The following PARP15 variants were observed in gnomAD, a reference collection of about 807,000 sequenced individuals.
PARP15 encodes poly(ADP-ribose) polymerase family member 15.
PARP15 carries 50 observed loss-of-function variants against 62.1 expected under a neutral mutation model. The observed-to-expected ratio is 0.81, with a 90% CI of 0.64 to 1.02. PARP15 has a LOEUF of 1.02. Ranked by LOEUF, PARP15 falls within the 50% of genes least tolerant of loss-of-function variation. PARP15 has a pLI of 0.00. For missense variants in PARP15, 820 were observed against 826.5 expected (o/e 0.99, Z 0.10); for synonymous variants, 309 against 293.1 (o/e 1.05, Z -0.55).
chr3:122,612,718 G>A (rs1210867912), intron 3 of PARP15, among the ~76,000 whole-genome samples: 1 of 151,814 alleles, frequency 6.6e-6, no homozygotes, highest in Non-Finnish European at 1.5e-5. Flanking sequence ...GGGAGCCACC[G>A]CGCCCTGCCA....
In PARP15 at chr3:122,636,141, A is replaced by C. The variant is rs1482870158; in HGVS notation, c.*41A>C. 3.2e-6 allele frequency: 5 copies of C among 1,547,374 alleles called. No homozygotes were observed. The highest frequency in any genetic ancestry group is 1.7e-5 in the Admixed American group (1 of 57,510). ...CAAAGAGATGATTTAAGTCATCTGTAAGAACAACATGCAATCTTTGTCTTT... is the reference window on the plus strand; with the variant it reads ...CAAAGAGATGATTTAAGTCATCTGTCAGAACAACATGCAATCTTTGTCTTT... On this transcript the variant is annotated 3_prime_UTR_variant, in exon 12 of 12. Transcript: ENST00000464300.
Position 122,613,025 on chromosome 3 carries a change from A to G in PARP15, c.544-16A>G. 6.5e-7 allele frequency: 1 copy of G among 1,533,552 alleles called. No homozygotes were observed. Among genetic ancestry groups the G allele is most frequent in the Non-Finnish European group, 8.8e-7 (1 of 1,130,306 alleles). 95.0% of individuals were successfully genotyped at this position (1,533,552 alleles called of 1,614,324 possible). On this transcript the variant is annotated splice_polypyrimidine_tract_variant and intron_variant, in intron 3 of 11. Coordinates refer to ENST00000464300, the MANE Select transcript of PARP15 (RefSeq NM_001113523.3). ...CTTAAGCCCTAACTTATGTAAATGT[A>G]CTTTGCACATTTCAGATCATGGCAA... is the stretch of plus-strand genomic sequence containing the variant.
intron 1 of PARP15, among the ~76,000 whole-genome samples, chr3:122,592,221 A>T (rs1933981135): frequency 6.6e-6 from 1 of 152,254 alleles, no homozygotes; most frequent in Non-Finnish European, 1.5e-5. Flanking sequence ...CTGAATAAAG[A>T]AAATATGGTA....
intron 1 of PARP15, among the ~76,000 whole-genome samples, chr3:122,591,859 T>A (rs190356718): frequency 6.6e-6 from 1 of 151,522 alleles, no homozygotes; most frequent in Admixed American, 6.6e-5. Context: ...ATTCCAGGCG[T>A]CCCACAATGG....
chr3:122,632,006 A>G, intron 9 of PARP15, 80 bp from the exon 10 acceptor site: 2 of 1,513,918 alleles, frequency 1.3e-6, no homozygotes, highest in South Asian at 2.3e-5. Flanking sequence ...ATGACGAGAG[A>G]CAAGTGCAGA....
intron 1 of PARP15, among the ~76,000 whole-genome samples, chr3:122,579,464 A>G (rs1500531): frequency 0.37 from 56,199 of 151,828 alleles, 10,812 homozygotes; most frequent in Admixed American, 0.46. Flanking sequence ...AGAGTTTTCT[A>G]CCAGTTTCTT....
At chr3:122,635,402 GT>G (rs781109334) in intron 11 of PARP15, among the ~76,000 whole-genome samples, 102 of 147,344 alleles carry the variant, frequency 6.9e-4, no homozygotes, top group Admixed American at 3.3e-3. Context: ...TTAACGTGCA[GT>G]TTTTTTTTTA....
intron 1 of PARP15, among the ~76,000 whole-genome samples, chr3:122,596,346 C>A (rs1189590194): frequency 1.1e-5 from 1 of 92,054 alleles, no homozygotes; most frequent in Admixed American, 1.9e-4. Context: ...CAGAGCGAGA[C>A]TCCATCTCAA....
intron 1 of PARP15, among the ~76,000 whole-genome samples, chr3:122,578,068 C>G (rs1447581016): frequency 6.7e-6 from 1 of 149,852 alleles, no homozygotes; most frequent in Non-Finnish European, 1.5e-5. Flanking sequence ...TTTTTTTTCC[C>G]TTAAAATTTA....
At chr3:122,634,170 A>G (rs1438143287) in intron 10 of PARP15, among the ~76,000 whole-genome samples, 1 of 152,054 alleles carries the variant, frequency 6.6e-6, no homozygotes, top group East Asian at 1.9e-4. Flanking sequence ...CCAGAACATC[A>G]TCCTCTCAGA....
At chr3:122,604,446 A>G (rs1023194796) in intron 1 of PARP15, among the ~76,000 whole-genome samples, 1 of 152,224 alleles carries the variant, frequency 6.6e-6, no homozygotes, top group African/African-American at 2.4e-5. Context: ...GACTGGGTGC[A>G]GTGGCTTATG....
chr3:122,596,060 A>C (rs1400266288), intron 1 of PARP15, among the ~76,000 whole-genome samples: 5 of 152,096 alleles, frequency 3.3e-5, no homozygotes, highest in African/African-American at 1.2e-4. Context: ...GTTGTCTAAA[A>C]GAATATGCAT....
chr3:122,626,777 A>C, intron 8 of PARP15, 50 bp from the exon 9 acceptor site: 1 of 1,539,550 alleles, frequency 6.5e-7, no homozygotes, highest in Non-Finnish European at 8.9e-7. Context: ...ATATTTCATC[A>C]TATTAGCAAC....
chr3:122,580,816 CTAA>C (rs754198164), intron 1 of PARP15, among the ~76,000 whole-genome samples: 91 of 39,260 alleles, frequency 2.3e-3, no homozygotes, highest in Non-Finnish European at 3.1e-3. Context: ...TGAACTTGGG[CTAA>C]TAATAATGAC....
intron 5 of PARP15, among the ~76,000 whole-genome samples, chr3:122,616,299 A>G (rs2332242): frequency 0.098 from 14,753 of 149,870 alleles, 2,338 homozygotes; most frequent in African/African-American, 0.34. Context: ...ATATGCCAAC[A>G]GGTTAAAGGT....
rs1420663470 is a variant in PARP15 at position 122,638,882 on chromosome 3, A to G, written c.*2782A>G. 6.6e-6 allele frequency: 1 copy of G among 152,146 alleles called. No homozygotes were observed. The highest frequency in any genetic ancestry group is 1.5e-5 in the Non-Finnish European group (1 of 68,034). 9.4% of individuals were successfully genotyped at this position (152,146 alleles called of 1,614,324 possible). A position where few individuals can be genotyped will look rare whatever the true frequency, so the allele number is the denominator to read the frequency against. Reference sequence around the variant, plus strand: ...GTGTTCTTATTTTTTCTGTAAACATAATTTTAATGGCAGAGATATTCTGCT... The same window carrying G: ...GTGTTCTTATTTTTTCTGTAAACATGATTTTAATGGCAGAGATATTCTGCT... On this transcript the variant is annotated 3_prime_UTR_variant, in exon 12 of 12. Coordinates refer to ENST00000464300, the MANE Select transcript of PARP15 (RefSeq NM_001113523.3).
At chr3:122,632,048 A>G in intron 9 of PARP15, 38 bp from the exon 10 acceptor site, 2 of 1,613,590 alleles carry the variant, frequency 1.2e-6, no homozygotes, top group Non-Finnish European at 1.7e-6. Flanking sequence ...GGTCTTTGGA[A>G]ATGAATGTTG....
intron 1 of PARP15, among the ~76,000 whole-genome samples, chr3:122,596,354 CAAAAAAAAAA>C (rs35559014): frequency 6.4e-5 from 3 of 46,896 alleles, no homozygotes; most frequent in African/African-American, 2.7e-4. Context: ...GACTCCATCT[CAAAAAAAAAA>C]AAAAAAAAAA....
chr3:122,625,240 GTTC>G (rs145889045), intron 8 of PARP15, among the ~76,000 whole-genome samples: 26,254 of 151,624 alleles, frequency 0.17, 2,587 homozygotes, highest in East Asian at 0.46. Flanking sequence ...TGTTGTTGTT[GTTC>G]TTTGTTTGTT....
Sources: gnomAD v4.1 joint callset for allele counts (sites outside exome capture counted in the v4.1 genomes callset) on GRCh38, gnomAD v4.1.1 for gene constraint, MANE v1.5 for transcripts, NCBI Gene and HGNC (gene_info 2026-07-23, HGNC 2026-07-21) for gene names.